ASIC2: variants seen among roughly 807,000 people sequenced by gnomAD.
ASIC2 encodes the protein acid sensing ion channel subunit 2.
In ASIC2, 25 loss-of-function variants were observed where a neutral mutation model predicts 57.3. The observed-to-expected ratio is 0.44, with a 90% CI of 0.32 to 0.61. The LOEUF (loss-of-function observed/expected upper bound fraction) is 0.61. Among genes scored for constraint, ASIC2 ranks in the 20% least tolerant of loss-of-function variants. ASIC2 has a pLI of 0.06. For synonymous variants in ASIC2, 319 were observed against 307.5 expected (o/e 1.04, Z -0.39); for missense variants, 641 against 738.1 (o/e 0.87, Z 1.52).
chr17:33,282,428 T>A (rs1044991057), intron 1 of ASIC2, among the ~76,000 whole-genome samples: 12 of 151,168 alleles, frequency 7.9e-5, no homozygotes, highest in Non-Finnish European at 7.4e-5. Flanking sequence ...CACTTTCAAA[T>A]CTCTTTTTCT....
chr17:33,495,148 C>T (rs1913886874), intron 1 of ASIC2, among the ~76,000 whole-genome samples: 1 of 152,188 alleles, frequency 6.6e-6, no homozygotes, highest in Non-Finnish European at 1.5e-5. Context: ...TCAGGATTGT[C>T]CAAATGCAAG....
upstream of ASIC2, among the ~76,000 whole-genome samples, chr17:33,297,020 G>A (rs968864513): frequency 6.6e-6 from 1 of 152,198 alleles, no homozygotes; most frequent in Non-Finnish European, 1.5e-5. Context: ...GTCTCCATGT[G>A]AATTTCTCCC....
At chr17:33,516,168 C>A (rs559406040) in intron 1 of ASIC2, among the ~76,000 whole-genome samples, 3 of 151,062 alleles carry the variant, frequency 2.0e-5, no homozygotes, top group Non-Finnish European at 3.0e-5. Flanking sequence ...GAACGCAGAG[C>A]GCAGTGTCCA....
chr17:33,985,138 A>G (rs1416581884), intron 1 of ASIC2, among the ~76,000 whole-genome samples: 1 of 152,224 alleles, frequency 6.6e-6, no homozygotes, highest in Non-Finnish European at 1.5e-5. Flanking sequence ...ATGATGAATT[A>G]TTAAAGGCAT....
At chr17:33,603,005 A>T (rs561677612) in intron 1 of ASIC2, among the ~76,000 whole-genome samples, 31 of 152,272 alleles carry the variant, frequency 2.0e-4, no homozygotes, top group Admixed American at 6.5e-5. Context: ...GCTGGAGGGC[A>T]CAGAGTGTGA....
At chr17:33,164,793 A>C (rs575871125) in intron 1 of ASIC2, among the ~76,000 whole-genome samples, 12 of 152,178 alleles carry the variant, frequency 7.9e-5, no homozygotes, top group African/African-American at 2.9e-4. Flanking sequence ...GGACTTCAGA[A>C]TGCCCCTTGC....
At chr17:33,549,175 A>C (rs367950357) in intron 1 of ASIC2, among the ~76,000 whole-genome samples, 6 of 152,216 alleles carry the variant, frequency 3.9e-5, no homozygotes, top group East Asian at 1.9e-4. Flanking sequence ...TGTTGATTAA[A>C]TGAATAAAAA....
chr17:33,579,285 T>TCA (rs1318298469), intron 1 of ASIC2, among the ~76,000 whole-genome samples: 1 of 46,566 alleles, frequency 2.1e-5, no homozygotes, highest in East Asian at 4.4e-4. Context: ...AAACTGTGTC[T>TCA]CAAAAAAAAA....
At chr17:33,597,157 A>T (rs1160977752) in intron 1 of ASIC2, among the ~76,000 whole-genome samples, 1 of 152,244 alleles carries the variant, frequency 6.6e-6, no homozygotes, top group African/African-American at 2.4e-5. Flanking sequence ...AACCCAGCGG[A>T]CACCTGTTGA....
intron 1 of ASIC2, among the ~76,000 whole-genome samples, chr17:33,547,692 T>TC (rs776580951): frequency 2.6e-5 from 4 of 152,076 alleles, no homozygotes; most frequent in African/African-American, 7.2e-5. Context: ...GGACAACTCA[T>TC]CCCCCCCATC....
intron 1 of ASIC2, among the ~76,000 whole-genome samples, chr17:33,787,670 C>T (rs997426097): frequency 5.9e-5 from 9 of 152,156 alleles, no homozygotes; most frequent in Non-Finnish European, 1.5e-5. Flanking sequence ...TGGCAAGGTT[C>T]ACTGTTGTAT....
intron 1 of ASIC2, among the ~76,000 whole-genome samples, chr17:33,261,844 C>T (rs1909293734): frequency 6.6e-6 from 1 of 152,070 alleles, no homozygotes; most frequent in Admixed American, 6.5e-5. Context: ...TGCTGGCTGC[C>T]TTCACTCCAG....
At chr17:33,889,884 A>G (rs1040693888) in intron 1 of ASIC2, among the ~76,000 whole-genome samples, 1 of 152,198 alleles carries the variant, frequency 6.6e-6, no homozygotes, top group Non-Finnish European at 1.5e-5. Context: ...CCTCATGAGG[A>G]CTGGGCTAGC....
At chr17:34,142,562 A>C (rs1912300821) in intron 1 of ASIC2, among the ~76,000 whole-genome samples, 1 of 152,218 alleles carries the variant, frequency 6.6e-6, no homozygotes, top group African/African-American at 2.4e-5. Context: ...TGTAGTGTAT[A>C]ATCATTAGGT....
At chr17:33,167,392 G>A (rs1905343945) in intron 1 of ASIC2, among the ~76,000 whole-genome samples, 3 of 152,036 alleles carry the variant, frequency 2.0e-5, no homozygotes, top group Non-Finnish European at 4.4e-5. Flanking sequence ...TCTGCTTCTA[G>A]CTTCTTAGTA....
chr17:33,024,096 C>CT, intron 5 of ASIC2, 82 bp from the exon 6 acceptor site: 1 of 1,569,702 alleles, frequency 6.4e-7, no homozygotes, highest in East Asian at 2.3e-5. Flanking sequence ...ATTGTAGCAG[C>CT]TGAGAAATGA....
intron 1 of ASIC2, among the ~76,000 whole-genome samples, chr17:33,603,679 A>G (rs902310072): frequency 6.6e-6 from 1 of 152,236 alleles, no homozygotes; most frequent in African/African-American, 2.4e-5. Flanking sequence ...TTCCCCTGAG[A>G]TAAAGGACTG....
intron 1 of ASIC2, among the ~76,000 whole-genome samples, chr17:33,264,498 T>A (rs771147142): frequency 6.6e-6 from 1 of 152,212 alleles, no homozygotes; most frequent in Non-Finnish European, 1.5e-5. Context: ...GGGAATGAAA[T>A]GCAAGCTGCC....
intron 1 of ASIC2, among the ~76,000 whole-genome samples, chr17:33,663,445 C>T (rs1049501223): frequency 1.4e-4 from 20 of 141,924 alleles, no homozygotes; most frequent in Non-Finnish European, 2.3e-4. Context: ...AGGCTAATGC[C>T]GTCGTTTTTT....
Sources: gnomAD v4.1 joint callset for allele counts (sites outside exome capture counted in the v4.1 genomes callset) on GRCh38, gnomAD v4.1.1 for gene constraint, MANE v1.5 for transcripts, NCBI Gene and HGNC (gene_info 2026-07-23, HGNC 2026-07-21) for gene names.